Variants in AKAP9 observed in about 807,000 individuals in gnomAD.
AKAP9 encodes the protein A-kinase anchor protein 9.
AKAP9 carries 311 observed loss-of-function variants against 488.5 expected under a neutral mutation model. The ratio of observed to expected loss-of-function variants is 0.64; its 90% confidence interval spans 0.58 to 0.70. The LOEUF (loss-of-function observed/expected upper bound fraction) is 0.70. AKAP9 is among the 30% of genes least tolerant of loss of function. The pLI, the probability that AKAP9 is intolerant of heterozygous loss-of-function variation, is 0.00. For synonymous variants in AKAP9, 1,462 were observed against 1,483.5 expected, an observed-to-expected ratio of 0.99 and a Z score of 0.33; for missense variants, 4,215 against 4,374.5, an observed-to-expected ratio of 0.96 and a Z score of 1.03.
At chr7:91,955,159 T>C (rs1052162880) in intron 1 of AKAP9, among the ~76,000 whole-genome samples, 8 of 152,250 alleles carry the variant, frequency 5.3e-5, no homozygotes, top group African/African-American at 1.9e-4. Context: ...GACCTTTCTT[T>C]CCTTATCAAA....
At position 92,080,157 on chromosome 7, in the gene AKAP9, G is replaced by C. The variant is rs779652992; in HGVS notation, c.8019+5G>C. 3 of 1,563,846 alleles carry C rather than the reference G, an allele frequency of 1.9e-6. No individual in the cohort carries two copies. The highest frequency in any genetic ancestry group is 2.6e-6 in the Non-Finnish European group (3 of 1,160,078). ...CAAGATGTTGAAGTTCTCAAGGTTAGTTTTGTATTTTATTAGTTTCATTTA... is the reference window on the plus strand; with the variant it reads ...CAAGATGTTGAAGTTCTCAAGGTTACTTTTGTATTTTATTAGTTTCATTTA... On this transcript the variant is annotated splice_donor_5th_base_variant and intron_variant, in intron 31 of 49. Transcript: ENST00000356239.
chr7:91,998,142 G>A (rs951059466), intron 7 of AKAP9, among the ~76,000 whole-genome samples: 8 of 152,156 alleles, frequency 5.3e-5, no homozygotes, highest in African/African-American at 1.9e-4. Flanking sequence ...TAAGGTTCGA[G>A]CTCCTAGAAG....
At chr7:92,086,577 G>T (rs1042189628) in intron 37 of AKAP9, among the ~76,000 whole-genome samples, 161 bp downstream of exon 37, 3 of 152,136 alleles carry the variant, frequency 2.0e-5, no homozygotes, top group African/African-American at 7.2e-5. Context: ...ATGTTAGAAG[G>T]TAAGAAAGAC....
At chr7:92,047,706 C>T (rs1207995172) in intron 21 of AKAP9, among the ~76,000 whole-genome samples, 3 of 152,136 alleles carry the variant, frequency 2.0e-5, no homozygotes, top group Non-Finnish European at 4.4e-5. Flanking sequence ...TTTGAATCAA[C>T]TAAAACCTTT....
At chr7:91,991,242 A>G (rs1797707989) in intron 3 of AKAP9, among the ~76,000 whole-genome samples, 1 of 152,206 alleles carries the variant, frequency 6.6e-6, no homozygotes, top group African/African-American at 2.4e-5. Flanking sequence ...AGAAAAGCTA[A>G]TTGCAATTTA....
intron 16 of AKAP9, among the ~76,000 whole-genome samples, chr7:92,033,506 C>T (rs1212078816): frequency 1.1e-4 from 16 of 141,348 alleles, no homozygotes; most frequent in Admixed American, 3.1e-4. Context: ...AGTACAGTGG[C>T]GCAATCTCTG....
intron 36 of AKAP9, 127 bp from the exon 37 acceptor site, chr7:92,086,095 AAAAAAT>A (rs1235878144): frequency 1.5e-5 from 12 of 823,508 alleles, no homozygotes; most frequent in Non-Finnish European, 2.2e-5. Flanking sequence ...CTCAAAAAGA[AAAAAAT>A]AAATAAATAA....
intron 1 of AKAP9, among the ~76,000 whole-genome samples, chr7:91,952,112 C>A (rs755186804): frequency 3.3e-5 from 5 of 152,134 alleles, no homozygotes; most frequent in Non-Finnish European, 5.9e-5. Flanking sequence ...AGATCAAATC[C>A]TAGATAACTT....
intron 22 of AKAP9, 93 bp downstream of exon 22, chr7:92,053,051 T>C: frequency 4.6e-6 from 5 of 1,094,684 alleles, no homozygotes; most frequent in Non-Finnish European, 6.8e-6. Context: ...TTTTCATGGA[T>C]AGCTGTTTGG....
At position 92,000,954 on chromosome 7, in the gene AKAP9, T is replaced by C. The variant is rs1584033976; in HGVS notation, c.1037T>C (p.Leu346Pro). The change falls in exon 8 of 50, where the codon CTT becomes CCT. Residue 346 changes from leucine to proline, a missense_variant. This residue lies in a region of AKAP9 where 2,361 missense variants were observed against 2,430.0 expected (regional missense o/e 0.97). Coordinates refer to ENST00000356239, the MANE Select transcript of AKAP9 (RefSeq NM_005751.5). The stretch of plus-strand genomic sequence containing the variant: ...ATAATAGAAGAAGAAAAGAAAACTC[T>C]TGAGCTAAAGGATAAATTAACAACT... ...TKIIEEEKKT[L>P]ELKDKLTTAD... The C allele has an allele frequency of 1.3e-6, 2 of 1,517,848 alleles. No homozygotes were observed. Among genetic ancestry groups the C allele is most frequent in the African/African-American group, 2.8e-5 (2 of 71,284 alleles). 94.0% of individuals were successfully genotyped at this position (1,517,848 alleles called of 1,614,324 possible).
intron 31 of AKAP9, among the ~76,000 whole-genome samples, chr7:92,080,518 A>C (rs1813348174): frequency 6.6e-6 from 1 of 152,048 alleles, no homozygotes. Flanking sequence ...GAATGCTGTG[A>C]ACCCGGGAGG....
At chr7:92,015,026 T>C (rs1166722468) in intron 10 of AKAP9, among the ~76,000 whole-genome samples, 1 of 152,196 alleles carries the variant, frequency 6.6e-6, no homozygotes, top group African/African-American at 2.4e-5. Context: ...TAAAATCAAC[T>C]CTAATGTGAG....
In AKAP9 at chr7:91,995,733, A is replaced by G; in HGVS notation, c.863A>G (p.Gln288Arg). ...EEQDHLLEDY[Q>R]KKKEDFTMQI... Reference sequence around the variant, plus strand: ...CAAGACCACTTATTAGAAGATTATCAGAAAAAGAAAGAAGACTTCACAATG... The same window carrying G: ...CAAGACCACTTATTAGAAGATTATCGGAAAAAGAAAGAAGACTTCACAATG... Residue 288 changes from glutamine (Q) to arginine (R), a missense_variant, in exon 7 of 50, where the codon CAG becomes CGG. Coordinates refer to ENST00000356239, the MANE Select transcript of AKAP9 (RefSeq NM_005751.5). The G allele has an allele frequency of 6.2e-7, 1 of 1,613,468 alleles. No homozygotes were observed.
In AKAP9 at chr7:91,940,979, G is replaced by C. The variant is rs890419440; in HGVS notation, c.-121G>C. ...CTTCCACTTCGGGCGGGGGAGCGCC[G>C]GACCGAATCGGCTCTCTAGGCCGTG... is the stretch of plus-strand genomic sequence containing the variant. On this transcript the variant is annotated 5_prime_UTR_variant, in exon 1 of 50. Coordinates refer to ENST00000356239, the MANE Select transcript of AKAP9 (RefSeq NM_005751.5). 2.0e-5 allele frequency: 21 copies of C among 1,059,286 alleles called. No individual in the cohort carries two copies. Among genetic ancestry groups the C allele is most frequent in the Admixed American group, 1.5e-4 (9 of 58,164 alleles). The allele number at this position is 1,059,286 out of a possible 1,614,324, so 65.6% of individuals were successfully genotyped here. A position where few individuals can be genotyped will look rare whatever the true frequency, so the allele number is the denominator to read the frequency against.
intron 22 of AKAP9, among the ~76,000 whole-genome samples, chr7:92,059,595 G>A (rs1487917688): frequency 6.6e-6 from 1 of 151,418 alleles, no homozygotes; most frequent in Non-Finnish European, 1.5e-5. Flanking sequence ...TTATTTTGTT[G>A]TAAATTCTTT....
rs13307334 is a variant in AKAP9, at chr7:92,027,607, G to T, written c.4149-2288G>T. On this transcript the variant is annotated intron_variant, in intron 14 of 49. Coordinates refer to ENST00000356239, the MANE Select transcript of AKAP9 (RefSeq NM_005751.5). ...CTGCCCCGTCTGGGAAGTGAGGAGC[G>T]CCTCTGCCTGGCCGCCCCGTCTGGG... 5.9e-3 allele frequency among the ~76,000 whole-genome samples: 737 copies of T among 124,226 alleles called. 11 individuals are homozygous for T. Among genetic ancestry groups the T allele is most frequent in the Middle Eastern group, 0.045 (9 of 202 alleles). The allele number at this position is 124,226 out of a possible 152,430, so 81.5% of individuals were successfully genotyped here. A position where few individuals can be genotyped will look rare whatever the true frequency, so the allele number is the denominator to read the frequency against.
intron 3 of AKAP9, among the ~76,000 whole-genome samples, chr7:91,983,590 T>C (rs1172682430): frequency 2.0e-5 from 3 of 152,220 alleles, no homozygotes; most frequent in Non-Finnish European, 4.4e-5. Context: ...CTGGGTCAAA[T>C]GGTATTTCTA....
intron 7 of AKAP9, among the ~76,000 whole-genome samples, chr7:91,998,546 AAAG>A (rs1022908002): frequency 5.3e-5 from 8 of 149,678 alleles, no homozygotes; most frequent in African/African-American, 1.5e-4. Flanking sequence ...TTAACGGTTG[AAAG>A]AAGAATTATT....
intron 12 of AKAP9, among the ~76,000 whole-genome samples, chr7:92,021,303 T>C (rs954397907): frequency 6.6e-6 from 1 of 152,264 alleles, no homozygotes; most frequent in African/African-American, 2.4e-5. Context: ...GGCAGATATA[T>C]TGTTATTTTT....
Sources: allele counts gnomAD v4.1 joint callset (sites outside exome capture counted in the v4.1 genomes callset), GRCh38; gene constraint gnomAD v4.1.1; regional missense constraint gnomAD v4.1.1; transcripts MANE v1.5; gene names NCBI Gene and HGNC (gene_info 2026-07-23, HGNC 2026-07-21).